The following DDX21 variants were observed in gnomAD, a reference collection of about 807,000 sequenced individuals.
DDX21 encodes the protein nucleolar RNA helicase 2.
DDX21 carries 18 observed loss-of-function variants against 90.0 expected under a neutral mutation model. That is an observed-to-expected ratio of 0.20 (90% CI 0.14 to 0.30). The LOEUF (loss-of-function observed/expected upper bound fraction) is 0.30, where lower values mean the gene tolerates loss of function less well. Ranked by LOEUF, DDX21 falls within the 10% of genes least tolerant of loss-of-function variation. DDX21 has a pLI of 1.00. For missense variants in DDX21, 673 were observed against 944.5 expected (o/e 0.71, Z 3.77); for synonymous variants, 294 against 318.0 (o/e 0.92, Z 0.80).
chr10:68,956,874 C>G, intron 1 of DDX21: 13 of 583,912 alleles, frequency 2.2e-5, no homozygotes, highest in Non-Finnish European at 2.8e-5. Context: ...AATCCCGTCT[C>G]GACTAAAAAA....
intron 6 of DDX21, 128 bp from the exon 7 acceptor site, chr10:68,968,848 G>T: frequency 9.8e-7 from 1 of 1,020,844 alleles, no homozygotes; most frequent in Non-Finnish European, 1.4e-6. Context: ...TGTGTCCTCA[G>T]TGCCCGACTT....
chr10:68,957,647 CA>C (rs1469205790), intron 1 of DDX21, among the ~76,000 whole-genome samples: 1 of 152,186 alleles, frequency 6.6e-6, no homozygotes, highest in Non-Finnish European at 1.5e-5. Flanking sequence ...GGTACATGAC[CA>C]AACTCTGTTA....
At chr10:68,962,501 A>G (rs145182202) in intron 3 of DDX21, among the ~76,000 whole-genome samples, 3 of 152,332 alleles carry the variant, frequency 2.0e-5, no homozygotes, top group African/African-American at 7.2e-5. Context: ...CTATAGTCCT[A>G]ACTACTCCAG....
At chr10:68,961,627 GCATT>G (rs770629041) in intron 2 of DDX21, among the ~76,000 whole-genome samples, 26 of 152,132 alleles carry the variant, frequency 1.7e-4, no homozygotes, top group Admixed American at 4.6e-4. Context: ...CTTGTATTGA[GCATT>G]CAGATATCTT....
chr10:68,963,341 G>A lies in DDX21; in HGVS notation c.658G>A (p.Val220Ile), dbSNP rs1226642554. The change falls in exon 4 of 15, where the codon GTT becomes ATT. Residue 220 changes from valine to isoleucine, a missense_variant. Physicochemically the swap from Val to Ile is conservative, Grantham distance 29. This residue lies in a region of DDX21 where 218 missense variants were observed against 347.3 expected (regional missense o/e 0.63). Transcript: ENST00000354185. ...FPIQAKTFHHVYSGKDLIAQA... is the reference protein window; with the variant it reads ...FPIQAKTFHHIYSGKDLIAQA... The stretch of plus-strand genomic sequence containing the variant: ...TATACAAGCAAAGACATTCCATCAT[G>A]TTTACAGCGGGAAGGACTTAATTGC... 2 of 1,614,104 alleles carry A rather than the reference G, an allele frequency of 1.2e-6. No homozygotes were observed. The highest frequency in any genetic ancestry group is 3.3e-5 in the Admixed American group (2 of 59,996).
intron 8 of DDX21, among the ~76,000 whole-genome samples, chr10:68,971,589 C>T (rs935748720): frequency 6.6e-6 from 1 of 152,100 alleles, no homozygotes; most frequent in Non-Finnish European, 1.5e-5. Context: ...TCTGTCATGG[C>T]ATCTCATCAC....
intron 2 of DDX21, 37 bp from the exon 3 acceptor site, chr10:68,962,045 G>A (rs1842878001): frequency 6.7e-7 from 1 of 1,494,236 alleles, no homozygotes; most frequent in Admixed American, 1.8e-5. Context: ...TTGTGTAGGT[G>A]ATTATTGATT....
chr10:68,981,387 C>G, intron 13 of DDX21, 150 bp from the exon 14 acceptor site: 1 of 704,364 alleles, frequency 1.4e-6, no homozygotes. Flanking sequence ...AATGTATTAG[C>G]TTTGGTCTAA....
intron 5 of DDX21, 103 bp from the exon 6 acceptor site, chr10:68,966,915 A>T: frequency 4.5e-6 from 4 of 890,966 alleles, no homozygotes; most frequent in Non-Finnish European, 6.6e-6. Context: ...ACTTGTAGGT[A>T]TTTAACAAAT....
intron 7 of DDX21, among the ~76,000 whole-genome samples, chr10:68,969,520 T>G (rs1842991707): frequency 6.6e-6 from 1 of 152,200 alleles, no homozygotes. Context: ...CCTCGTGATC[T>G]GCCCATCTCG....
chr10:68,969,336 G>C (rs930163074), intron 7 of DDX21, among the ~76,000 whole-genome samples: 1 of 152,170 alleles, frequency 6.6e-6, no homozygotes, highest in Non-Finnish European at 1.5e-5. Flanking sequence ...CTGGAGTGCA[G>C]TGGCGCAATC....
chr10:68,979,056 C>T, intron 13 of DDX21, 80 bp downstream of exon 13: 1 of 1,563,698 alleles, frequency 6.4e-7, no homozygotes, highest in Non-Finnish European at 8.7e-7. Context: ...TCTTCCTGTT[C>T]TGTGGGGATG....
intron 8 of DDX21, 134 bp from the exon 9 acceptor site, chr10:68,971,757 C>T: frequency 2.6e-6 from 2 of 776,564 alleles, no homozygotes; most frequent in Non-Finnish European, 4.1e-6. Context: ...ATTCAAGACA[C>T]ATTTTCCCCT....
chr10:68,958,726 C>T (rs990005428), intron 1 of DDX21, among the ~76,000 whole-genome samples: 13 of 152,076 alleles, frequency 8.5e-5, no homozygotes, highest in Non-Finnish European at 1.8e-4. Flanking sequence ...CATGAGCCAC[C>T]GCGCCCAGCC....
chr10:68,966,683 C>T (rs148997370), intron 5 of DDX21, among the ~76,000 whole-genome samples: 7,155 of 147,848 alleles, frequency 0.048, 543 homozygotes, highest in African/African-American at 0.16. Flanking sequence ...TCTCATGATC[C>T]ACCCACCTTG....
At chr10:68,967,429 A>T (rs1185043398) in intron 6 of DDX21, among the ~76,000 whole-genome samples, 1 of 152,064 alleles carries the variant, frequency 6.6e-6, no homozygotes, top group Non-Finnish European at 1.5e-5. Flanking sequence ...TCACCCTCCC[A>T]AAGTGCTGGG....
chr10:68,982,572 G>C lies in DDX21; in HGVS notation c.2112G>C (p.Gln704His). 1 of 1,611,970 alleles carries C rather than the reference G, an allele frequency of 6.2e-7. No homozygotes were observed. Among genetic ancestry groups the C allele is most frequent in the Non-Finnish European group, 8.5e-7 (1 of 1,178,164 alleles). The change falls in exon 15 of 15, where the codon CAG becomes CAC. Residue 704 changes from glutamine to histidine, a missense_variant. Around this residue, in one of 4 missense-constraint regions of DDX21, gnomAD observed 225 missense variants for 298.8 expected, o/e 0.75. Transcript: ENST00000354185. ...AATGGCATGATTCACGACGCTGGCA[G>C]CTCTCTGTGGCCACAGAGCAACCAG... ...QEKWHDSRRW[Q>H]LSVATEQPEL...
In DDX21 at chr10:68,968,985, A is replaced by C; in HGVS notation, c.1100A>C (p.Asp367Ala). ...TTCCCCCTCCTCAAAGATTCTGAAGACAATCCCCAAACATTGCTTTTTTCT... is the reference window on the plus strand; with the variant it reads ...TTCCCCCTCCTCAAAGATTCTGAAGCCAATCCCCAAACATTGCTTTTTTCT... ...LSVAYKKDSE[D>A]NPQTLLFSAT... Residue 367 changes from aspartate (D) to alanine (A), a missense_variant, in exon 7 of 15, where the codon GAC becomes GCC. Transcript: ENST00000354185. 6.2e-7 allele frequency: 1 copy of C among 1,612,610 alleles called. No homozygotes were observed. Among genetic ancestry groups the C allele is most frequent in the Non-Finnish European group, 8.5e-7 (1 of 1,179,634 alleles).
intron 9 of DDX21, among the ~76,000 whole-genome samples, chr10:68,973,335 T>C (rs1045176928): frequency 6.6e-6 from 1 of 152,200 alleles, no homozygotes; most frequent in African/African-American, 2.4e-5. Flanking sequence ...TAGACAATGC[T>C]CTTTGTAAAT....
Sources: allele counts gnomAD v4.1 joint callset (sites outside exome capture counted in the v4.1 genomes callset), GRCh38; gene constraint gnomAD v4.1.1; regional missense constraint gnomAD v4.1.1; transcripts MANE v1.5; gene names NCBI Gene and HGNC (gene_info 2026-07-23, HGNC 2026-07-21).